ACLY: variants seen among roughly 807,000 people sequenced by gnomAD.
ACLY encodes ATP-citrate synthase.
ACLY carries 41 observed loss-of-function variants against 133.0 expected under a neutral mutation model. That is an observed-to-expected ratio of 0.31 (90% CI 0.24 to 0.40). The LOEUF is 0.40. Among genes scored for constraint, ACLY ranks in the 10% least tolerant of loss-of-function variants. The pLI is 1.00. For synonymous variants in ACLY, 495 were observed against 549.3 expected, an observed-to-expected ratio of 0.90 and a Z score of 1.38; for missense variants, 1,046 against 1,453.8, an observed-to-expected ratio of 0.72 and a Z score of 4.56.
At chr17:41,880,470 T>A (rs2048884852) in intron 20 of ACLY, among the ~76,000 whole-genome samples, 1 of 152,210 alleles carries the variant, frequency 6.6e-6, no homozygotes, top group Non-Finnish European at 1.5e-5. Context: ...AGAGAGTCTA[T>A]ACTCAGAAAC....
intron 1 of ACLY, among the ~76,000 whole-genome samples, chr17:41,925,739 G>A (rs1555635907): frequency 6.6e-6 from 1 of 152,174 alleles, no homozygotes; most frequent in Non-Finnish European, 1.5e-5. Flanking sequence ...GGCTCACAGT[G>A]AAGGCAGTAG....
chr17:41,930,528 C>T, exon 1 of ACLY: 2 of 550,026 alleles, frequency 3.6e-6, no homozygotes, highest in East Asian at 3.1e-5. Flanking sequence ...ACTCCCTGGC[C>T]CAGTGCGCGG....
intron 8 of ACLY, among the ~76,000 whole-genome samples, chr17:41,906,197 A>C (rs562729077): frequency 7.9e-5 from 12 of 152,336 alleles, no homozygotes; most frequent in African/African-American, 2.9e-4. Context: ...GTAACTTGCT[A>C]ACTGGGGTGA....
At chr17:41,869,251 G>A (rs1555624591) in intron 26 of ACLY, 126 bp from the exon 27 acceptor site, 7 of 933,326 alleles carry the variant, frequency 7.5e-6, no homozygotes, top group Admixed American at 2.2e-5. Flanking sequence ...AGCCCCACTG[G>A]TCGACACTGT....
chr17:41,899,172 G>A (rs531573858), intron 11 of ACLY, among the ~76,000 whole-genome samples: 1 of 152,166 alleles, frequency 6.6e-6, no homozygotes, highest in South Asian at 2.1e-4. Context: ...GCTACTCGGA[G>A]GCTCAGGCAG....
chr17:41,916,286 CAA>C lies in ACLY; in HGVS notation c.-23-2392_-23-2391del, dbSNP rs2050049037. ...TGCAAATTCACCAATAAAGAGAAGG[CAA>C]ATGGCTCACAAACCCAGGGAGTGGA... On this transcript the variant is annotated intron_variant, in intron 1 of 28. Transcript: ENST00000352035. Among the ~76,000 whole-genome samples, 7 of 152,048 alleles carry C rather than the reference CAA, an allele frequency of 4.6e-5. No individual in the cohort carries two copies. The South Asian group carries it at 8.3e-4, about 18-fold the overall frequency.
At chr17:41,898,554 C>A in intron 12 of ACLY, 77 bp downstream of exon 12, 2 of 1,535,650 alleles carry the variant, frequency 1.3e-6, no homozygotes, top group South Asian at 1.2e-5. Flanking sequence ...CCCCAGGGAA[C>A]AGAGGAAGAA....
chr17:41,905,213 T>G (rs2049676237), intron 9 of ACLY, among the ~76,000 whole-genome samples: 1 of 152,172 alleles, frequency 6.6e-6, no homozygotes, highest in Non-Finnish European at 1.5e-5. Flanking sequence ...TCAGAGTTTA[T>G]CGCAATCGGA....
chr17:41,869,119 T>C lies in ACLY; in HGVS notation c.3058A>G (p.Asn1020Asp), dbSNP rs2144189902. 1.9e-6 allele frequency: 3 copies of C among 1,610,438 alleles called. No homozygotes were observed. Among genetic ancestry groups the C allele is most frequent in the Non-Finnish European group, 2.5e-6 (3 of 1,179,158 alleles). ...VEKITTSKKP[N>D]LILNVDGLIG... ...AGACCATCTACATTCAGGATAAGAT[T>C]TGGCTTCTGGGAAGGCAAAAAAATT... is the stretch of plus-strand genomic sequence containing the variant. The change falls in exon 27 of 29, where the codon AAT (asparagine) becomes GAT (aspartate). Residue 1020 changes from asparagine to aspartate, a missense_variant. Transcript: ENST00000352035.
chr17:41,918,218 A>G (rs8071938), intron 1 of ACLY, among the ~76,000 whole-genome samples: 133,601 of 152,236 alleles, frequency 0.88, 59,097 homozygotes, highest in East Asian at 1. Flanking sequence ...GCCATCTGTC[A>G]CTTAGGGGCT....
intron 2 of ACLY, 49 bp from the exon 3 acceptor site, chr17:41,912,591 C>A (rs375838686): frequency 6.2e-7 from 1 of 1,610,834 alleles, no homozygotes; most frequent in Admixed American, 1.7e-5. Context: ...TTAGATAAAC[C>A]GTAGTATTTT....
At chr17:41,873,698 A>T in intron 23 of ACLY, 113 bp downstream of exon 23, 1 of 1,255,064 alleles carries the variant, frequency 8.0e-7, no homozygotes, top group Non-Finnish European at 1.0e-6. Context: ...CTGTGGCCCC[A>T]AAGATTGATC....
At chr17:41,872,289 T>C (rs1274841170) in intron 23 of ACLY, 107 bp from the exon 24 acceptor site, 1 of 1,037,618 alleles carries the variant, frequency 9.6e-7, no homozygotes, top group Non-Finnish European at 1.4e-6. Context: ...TAACTACCAA[T>C]CCAAGTCTAA....
At chr17:41,913,672 C>T (rs1380349664) in intron 2 of ACLY, 43 bp downstream of exon 2, 3 of 1,601,804 alleles carry the variant, frequency 1.9e-6, no homozygotes, top group Admixed American at 1.7e-5. Context: ...CTTCCTCAGA[C>T]CCCGGGCCTG....
chr17:41,888,354 C>T (rs985123453), intron 16 of ACLY, among the ~76,000 whole-genome samples: 1 of 152,210 alleles, frequency 6.6e-6, no homozygotes, highest in Admixed American at 6.5e-5. Flanking sequence ...CAAAAGCTCA[C>T]ACCCTCCTGT....
chr17:41,882,367 C>CAAAAAA lies in ACLY; in HGVS notation c.2265+749_2265+754dup, dbSNP rs34078258. On this transcript the variant is annotated intron_variant, in intron 20 of 28. Coordinates refer to ENST00000352035, the MANE Select transcript of ACLY (RefSeq NM_001096.3). ...GGGCGACAGAGTGAGACCCTGTCTC[C>CAAAAAA]AAAAAAAAAAAAAAAAAAAAAAAAA... Among the ~76,000 whole-genome samples, 115 of 40,246 alleles carry CAAAAAA rather than the reference C, an allele frequency of 2.9e-3. 30 individuals carry two copies. The highest frequency in any genetic ancestry group is 5.9e-3 in the East Asian group (6 of 1,014). The allele number at this position is 40,246 out of a possible 152,430, so 26.4% of individuals were successfully genotyped here.
intron 7 of ACLY, 39 bp downstream of exon 7, chr17:41,907,403 C>T (rs2144385033): frequency 1.9e-6 from 3 of 1,591,084 alleles, no homozygotes; most frequent in Middle Eastern, 3.6e-4. Context: ...CCCCACCGCC[C>T]TCCCCCCAGT....
chr17:41,921,686 G>A (rs1555635456), upstream of ACLY, among the ~76,000 whole-genome samples: 2 of 152,072 alleles, frequency 1.3e-5, no homozygotes, highest in East Asian at 3.9e-4. Context: ...AATTAGCTGG[G>A]CAGCTGGGCA....
intron 15 of ACLY, 88 bp from the exon 16 acceptor site, chr17:41,892,535 G>C: frequency 8.2e-7 from 1 of 1,219,560 alleles, no homozygotes; most frequent in East Asian, 2.4e-5. Flanking sequence ...TCACCTAGAA[G>C]ATAGAAAAGG....
Sources: gnomAD v4.1 joint callset for allele counts (sites outside exome capture counted in the v4.1 genomes callset) on GRCh38, gnomAD v4.1.1 for gene constraint, MANE v1.5 for transcripts, NCBI Gene and HGNC (gene_info 2026-07-23, HGNC 2026-07-21) for gene names.